Variants in FKBP5 observed in about 807,000 individuals in gnomAD.
FKBP5 encodes the protein FKBP prolyl isomerase 5.
FKBP5 carries 23 observed loss-of-function variants against 50.5 expected under a neutral mutation model. That is an observed-to-expected ratio of 0.46 (90% CI 0.33 to 0.65). The LOEUF (loss-of-function observed/expected upper bound fraction) is 0.65, where lower values mean the gene tolerates loss of function less well. Ranked by LOEUF, FKBP5 falls within the 30% of genes least tolerant of loss-of-function variation. The probability of loss-of-function intolerance (pLI) is 0.02; values close to 1 mark genes in which losing one functional copy is unlikely to be tolerated. For synonymous variants in FKBP5, 176 were observed against 190.6 expected, an observed-to-expected ratio of 0.92 and a Z score of 0.63; for missense variants, 411 against 553.1, an observed-to-expected ratio of 0.74 and a Z score of 2.58.
chr6:35,668,266 G>T (rs1765284649), intron 1 of FKBP5, among the ~76,000 whole-genome samples: 1 of 152,154 alleles, frequency 6.6e-6, no homozygotes. Flanking sequence ...CTTTATGCTG[G>T]AAACAGCATC....
In FKBP5 at chr6:35,665,293, CT is replaced by C. The variant is rs370647403; in HGVS notation, c.-19-22451del. On this transcript the variant is annotated intron_variant, in intron 1 of 10. Coordinates refer to ENST00000357266, the MANE Select transcript of FKBP5 (RefSeq NM_004117.4). Reference sequence around the variant, plus strand: ...TAGAATGTCACTAGTAAATGCTCCTCTTTTTTTTTTTTTTTAGAGGAGTCTC... The same window carrying C: ...TAGAATGTCACTAGTAAATGCTCCTCTTTTTTTTTTTTTTAGAGGAGTCTC... Among the ~76,000 whole-genome samples, 1,031 of 142,636 alleles carry C rather than the reference CT, an allele frequency of 7.2e-3. 1 individual carries two copies. The highest frequency in any genetic ancestry group is 0.012 in the East Asian group (60 of 4,912). 93.6% of individuals were successfully genotyped at this position (142,636 alleles called of 152,430 possible). A position where few individuals can be genotyped will look rare whatever the true frequency, so the allele number is the denominator to read the frequency against.
intron 1 of FKBP5, among the ~76,000 whole-genome samples, chr6:35,656,172 A>C (rs1164799697): frequency 1.3e-5 from 2 of 152,214 alleles, no homozygotes; most frequent in African/African-American, 4.8e-5. Context: ...CAAGAATAGC[A>C]TTTGAGTCTG....
At chr6:35,615,149 A>T (rs1035502306) in intron 5 of FKBP5, among the ~76,000 whole-genome samples, 298 of 93,890 alleles carry the variant, frequency 3.2e-3, no homozygotes, top group Admixed American at 0.011. Context: ...CAACAACAAC[A>T]ACAACTACAC....
At chr6:35,714,650 C>G (rs1004824236) in intron 2 of FKBP5, among the ~76,000 whole-genome samples, 1 of 151,458 alleles carries the variant, frequency 6.6e-6, no homozygotes, top group Non-Finnish European at 1.5e-5. Flanking sequence ...AACCCCATCT[C>G]TACTAAAAAT....
chr6:35,687,154 G>A (rs757465801), intron 1 of FKBP5, among the ~76,000 whole-genome samples: 6 of 152,080 alleles, frequency 3.9e-5, no homozygotes, highest in African/African-American at 1.4e-4. Flanking sequence ...CTTAATCTCC[G>A]AAGTATAAAT....
intron 1 of FKBP5, among the ~76,000 whole-genome samples, chr6:35,724,233 C>T (rs1234785617): frequency 3.3e-5 from 5 of 152,124 alleles, no homozygotes; most frequent in Non-Finnish European, 4.4e-5. Flanking sequence ...GTTTTTGGAT[C>T]CCAGAGCCAA....
intron 1 of FKBP5, among the ~76,000 whole-genome samples, chr6:35,721,742 C>T (rs2151024824): frequency 6.6e-6 from 1 of 152,362 alleles, no homozygotes; most frequent in Admixed American, 6.5e-5. Context: ...GCATGAGCCA[C>T]CATGCCCAGC....
chr6:35,622,210 T>G (rs982988498), intron 3 of FKBP5, among the ~76,000 whole-genome samples: 2 of 152,134 alleles, frequency 1.3e-5, no homozygotes, highest in Admixed American at 1.3e-4. Context: ...TTATTTCAGT[T>G]AAAAATATAT....
intron 5 of FKBP5, among the ~76,000 whole-genome samples, chr6:35,608,559 C>A (rs952958335): frequency 2.0e-5 from 3 of 152,026 alleles, no homozygotes; most frequent in East Asian, 3.9e-4. Flanking sequence ...GCTGGGTGTG[C>A]ACCTGCAGTT....
chr6:35,639,888 AG>A (rs1764429310), intron 2 of FKBP5, among the ~76,000 whole-genome samples: 1 of 152,236 alleles, frequency 6.6e-6, no homozygotes, highest in South Asian at 2.1e-4. Flanking sequence ...TAATCTTTTC[AG>A]GAAAAACAAA....
chr6:35,581,021 A>G (rs1242331451), intron 8 of FKBP5: 12 of 980,282 alleles, frequency 1.2e-5, no homozygotes, highest in Middle Eastern at 5.2e-4. Context: ...AATTCTTATC[A>G]TTTGTAGTGC....
At chr6:35,589,104 A>ATT (rs1326688811) in intron 7 of FKBP5, among the ~76,000 whole-genome samples, 51 of 126,794 alleles carry the variant, frequency 4.0e-4, no homozygotes, top group African/African-American at 1.4e-3. Flanking sequence ...ATATATATAT[A>ATT]TATTTTTATA....
At position 35,707,575 on chromosome 6, in the gene FKBP5, G is replaced by A. The variant is rs141767310; in HGVS notation, c.-20+12753C>T. Among the ~76,000 whole-genome samples the A allele has an allele frequency of 7.8e-3, 1,193 of 152,094 alleles. 16 individuals carry two copies. The highest frequency in any genetic ancestry group is 0.025 in the African/African-American group (1,046 of 41,482). On this transcript the variant is annotated intron_variant, in intron 2 of 11. Coordinates refer to the FKBP5 transcript ENST00000536438. ...TTTAACTTTTATTTTAGGTTCAGGG[G>A]TACATGTGCAGGTTTGTAATATAGG...
chr6:35,721,755 A>C (rs1192777818), intron 1 of FKBP5, among the ~76,000 whole-genome samples: 1 of 152,224 alleles, frequency 6.6e-6, no homozygotes, highest in African/African-American at 2.4e-5. Flanking sequence ...TGCCCAGCCG[A>C]CAATAGTGGC....
chr6:35,707,566 G>A (rs1405093564), intron 2 of FKBP5, among the ~76,000 whole-genome samples: 2 of 151,978 alleles, frequency 1.3e-5, no homozygotes, highest in Non-Finnish European at 2.9e-5. Flanking sequence ...TTTTATTTTA[G>A]GTTCAGGGGT....
Position 35,651,197 on chromosome 6 carries a change from T to G in FKBP5, c.-19-8354A>C, listed in dbSNP as rs139188176. Among the ~76,000 whole-genome samples the G allele has an allele frequency of 7.1e-3, 1,078 of 152,340 alleles. 12 individuals carry two copies. The highest frequency in any genetic ancestry group is 0.022 in the African/African-American group (931 of 41,584). On this transcript the variant is annotated intron_variant, in intron 1 of 10. Coordinates refer to ENST00000357266, the MANE Select transcript of FKBP5 (RefSeq NM_004117.4). ...ACTTACCAAACTGCTCAAACAGTGT[T>G]ACCTCTGGAGAATGAGATTTGGGAA...
chr6:35,675,583 T>A (rs1416823129), intron 1 of FKBP5, among the ~76,000 whole-genome samples: 1 of 152,032 alleles, frequency 6.6e-6, no homozygotes, highest in Non-Finnish European at 1.5e-5. Flanking sequence ...AAAACAAGTC[T>A]ATACCATACT....
Position 35,623,237 on chromosome 6 carries a change from G to A in FKBP5, c.251-2963C>T, listed in dbSNP as rs145809838. ...AGCCTGGGCGAAAGAGCGAGACTCC[G>A]TCTCAAAAATAAATAAATAAATAAA... On this transcript the variant is annotated intron_variant, in intron 3 of 10. Coordinates refer to ENST00000357266, the MANE Select transcript of FKBP5 (RefSeq NM_004117.4). Among the ~76,000 whole-genome samples, 480 of 152,304 alleles carry A rather than the reference G, an allele frequency of 3.2e-3. 2 individuals carry two copies. Among genetic ancestry groups the A allele is most frequent in the African/African-American group, 0.011 (450 of 41,556 alleles).
chr6:35,602,521 T>C (rs779157487), intron 5 of FKBP5, among the ~76,000 whole-genome samples: 1 of 152,064 alleles, frequency 6.6e-6, no homozygotes, highest in Non-Finnish European at 1.5e-5. Context: ...GTTTTCTCTG[T>C]TGCCTAATTC....
Sources: allele counts gnomAD v4.1 joint callset (sites outside exome capture counted in the v4.1 genomes callset), GRCh38; gene constraint gnomAD v4.1.1; transcripts MANE v1.5; gene names NCBI Gene and HGNC (gene_info 2026-07-23, HGNC 2026-07-21).